Variants in SLC44A3 observed in about 807,000 individuals in gnomAD.
SLC44A3 encodes the protein choline transporter-like protein 3.
Under a neutral mutation model 75.4 loss-of-function variants are expected in SLC44A3, and 74 were observed. The ratio of observed to expected loss-of-function variants is 0.98; its 90% CI spans 0.81 to 1.19. The LOEUF (loss-of-function observed/expected upper bound fraction) is 1.19, where lower values mean the gene tolerates loss of function less well. SLC44A3 is among the 50% of genes most tolerant of loss of function. The pLI, the probability that SLC44A3 is intolerant of heterozygous loss-of-function variation, is 0.00. For synonymous variants in SLC44A3, 310 were observed against 296.9 expected (o/e 1.04, Z -0.45); for missense variants, 700 against 778.6 (o/e 0.90, Z 1.20).
chr1:94,864,991 T>A, intron 11 of SLC44A3, 92 bp downstream of exon 11: 1 of 1,368,382 alleles, frequency 7.3e-7, no homozygotes, highest in Middle Eastern at 1.8e-4. Flanking sequence ...AGGACAGAAA[T>A]GTGACCTGTG....
rs375361654 is a variant in SLC44A3 at position 94,886,453 on chromosome 1, C to T, written c.1483-4677C>T. Among the ~76,000 whole-genome samples the T allele has an allele frequency of 1.2e-3, 187 of 152,252 alleles. 1 individual carries two copies. The highest frequency in any genetic ancestry group is 3.7e-3 in the South Asian group (18 of 4,822). On this transcript the variant is annotated intron_variant, in intron 12 of 14. Coordinates refer to ENST00000271227, the MANE Select transcript of SLC44A3 (RefSeq NM_001114106.3). ...GTTTCCCATTTCTCCTCTGCTGGGG[C>T]CCCCCAGTAGCCTGCTGGTATGCTC...
In SLC44A3 at chr1:94,867,231, C is replaced by T. The variant is rs549769226; in HGVS notation, c.1396-100C>T. ...TTCTCCCACGCCACCAGTGTTTCCC[C>T]AGGTGCATAAGTAAAAACTGTGTTT... On this transcript the variant is annotated intron_variant, in intron 11 of 14. Coordinates refer to ENST00000271227, the MANE Select transcript of SLC44A3 (RefSeq NM_001114106.3). The T allele has an allele frequency of 5.3e-6, 5 of 951,512 alleles. No individual in the cohort carries two copies. In the South Asian group the frequency reaches 7.7e-5, roughly 15 times the overall value. The allele number at this position is 951,512 out of a possible 1,614,324, so 58.9% of individuals were successfully genotyped here. A position where few individuals can be genotyped will look rare whatever the true frequency, so the allele number is the denominator to read the frequency against.
intron 12 of SLC44A3, among the ~76,000 whole-genome samples, chr1:94,877,418 C>A (rs1027928523): frequency 6.6e-6 from 1 of 152,090 alleles, no homozygotes; most frequent in South Asian, 2.1e-4. Flanking sequence ...CTAACCTTAA[C>A]TGGGGGAATG....
chr1:94,836,906 G>A (rs1662882617), intron 5 of SLC44A3: 1 of 94,422 alleles, frequency 1.1e-5, no homozygotes, highest in African/African-American at 4.5e-5. Flanking sequence ...GGCAGAACCT[G>A]TCTCAACAAA....
chr1:94,834,821 G>A (rs959407787), intron 5 of SLC44A3, among the ~76,000 whole-genome samples: 6 of 152,178 alleles, frequency 3.9e-5, no homozygotes, highest in African/African-American at 1.4e-4. Context: ...CCAAGAGGTG[G>A]AATTTCCCTC....
At chr1:94,825,795 A>G (rs1557798579) in intron 3 of SLC44A3, 1 of 456,068 alleles carries the variant, frequency 2.2e-6, no homozygotes, top group South Asian at 1.5e-5. Context: ...CTTTCTGGGC[A>G]TGGACTAATT....
chr1:94,837,874 A>G lies in SLC44A3; in HGVS notation c.670+3A>G, dbSNP rs1353585218. On this transcript the variant is annotated splice_donor_region_variant and intron_variant, in intron 6 of 14. Transcript: ENST00000271227. ...TGGCCTGTGTATCCTCGCATTAGGT[A>G]ATTCTCAGTTAAGTTAATTTTAATA... 1.3e-6 allele frequency: 2 copies of G among 1,586,826 alleles called. No homozygotes were observed. Among genetic ancestry groups the G allele is most frequent in the South Asian group, 1.2e-5 (1 of 85,418 alleles).
intron 12 of SLC44A3, among the ~76,000 whole-genome samples, chr1:94,886,864 C>T (rs1016618244): frequency 1.3e-5 from 2 of 152,084 alleles, no homozygotes; most frequent in African/African-American, 2.4e-5. Flanking sequence ...GAGATACTAC[C>T]AATGCCAACT....
At chr1:94,860,123 G>A (rs768335946) in intron 10 of SLC44A3, among the ~76,000 whole-genome samples, 6 of 152,122 alleles carry the variant, frequency 3.9e-5, no homozygotes, top group Non-Finnish European at 7.3e-5. Context: ...ATGAGCTTAG[G>A]GAAAACGGAG....
chr1:94,820,595 G>T, intron 1 of SLC44A3, 117 bp downstream of exon 1: 2 of 1,410,508 alleles, frequency 1.4e-6, no homozygotes, highest in Non-Finnish European at 1.9e-6. Flanking sequence ...CGGGGATCCC[G>T]CCCCCGCTTA....
At chr1:94,883,860 T>C (rs1669266678) in intron 12 of SLC44A3, among the ~76,000 whole-genome samples, 1 of 152,152 alleles carries the variant, frequency 6.6e-6, no homozygotes, top group African/African-American at 2.4e-5. Context: ...TAAAATACCA[T>C]GGAGAGTATG....
At chr1:94,824,210 G>T (rs12059135) in intron 2 of SLC44A3, among the ~76,000 whole-genome samples, 2,309 of 152,216 alleles carry the variant, frequency 0.015, 54 homozygotes, top group African/African-American at 0.053. Flanking sequence ...AAAGAAAAAT[G>T]ATAGACTCTT....
At chr1:94,827,719 C>A in intron 4 of SLC44A3, 76 bp downstream of exon 4, 1 of 1,517,112 alleles carries the variant, frequency 6.6e-7, no homozygotes, top group South Asian at 1.3e-5. Context: ...ATCATTTACC[C>A]TGACTCTGCT....
rs761547638 is a variant in SLC44A3, at chr1:94,824,623, T to C, written c.266T>C (p.Met89Thr). 14 of 1,587,744 alleles carry C rather than the reference T, an allele frequency of 8.8e-6. No individual in the cohort carries two copies. The Admixed American group carries it at 2.3e-4, about 26-fold the overall frequency. Residue 89 changes from methionine to threonine, a missense_variant, in exon 3 of 15, where the codon ATG becomes ACG. Coordinates refer to ENST00000271227, the MANE Select transcript of SLC44A3 (RefSeq NM_001114106.3). ...VEGAPLSGQD[M>T]TLKKHVFFMN... ...GGGGCCCCTCTTTCAGGGCAGGACA[T>C]GACCCTAAAAAAGTAAGTATCTAAA...
chr1:94,886,538 A>G (rs1460420530), intron 12 of SLC44A3, among the ~76,000 whole-genome samples: 3 of 151,962 alleles, frequency 2.0e-5, no homozygotes, highest in Non-Finnish European at 4.4e-5. Flanking sequence ...GGAGACAGGC[A>G]ACACTGGGGC....
chr1:94,829,848 T>A lies in SLC44A3; in HGVS notation c.509+1262T>A, dbSNP rs1245716020. Among the ~76,000 whole-genome samples the A allele has an allele frequency of 4.2e-4, 64 of 152,228 alleles. 1 individual carries two copies. The highest frequency in any genetic ancestry group is 5.9e-5 in the Non-Finnish European group (4 of 68,048). Reference sequence around the variant, plus strand: ...CTTGTTTGGGACTTACAGTAAGAAATTTATTACATCCCAACTCCTGTATGC... The same window carrying A: ...CTTGTTTGGGACTTACAGTAAGAAAATTATTACATCCCAACTCCTGTATGC... On this transcript the variant is annotated intron_variant, in intron 5 of 14. Transcript: ENST00000271227.
At chr1:94,842,233 G>C in intron 8 of SLC44A3, 109 bp downstream of exon 8, 1 of 1,432,262 alleles carries the variant, frequency 7.0e-7, no homozygotes, top group South Asian at 1.4e-5. Flanking sequence ...TTTTGATTTA[G>C]AATGTGCCTT....
At chr1:94,893,661 G>A (rs1222660394) in intron 14 of SLC44A3, among the ~76,000 whole-genome samples, 1 of 152,044 alleles carries the variant, frequency 6.6e-6, no homozygotes, top group Non-Finnish European at 1.5e-5. Context: ...ACAGTTGTGA[G>A]CCACCGCACT....
chr1:94,827,306 T>G, intron 3 of SLC44A3: 1 of 618,534 alleles, frequency 1.6e-6, no homozygotes, highest in South Asian at 2.1e-5. Context: ...TTGTTAATGT[T>G]TTTGGATAGT....
Sources: gnomAD v4.1 joint callset for allele counts (sites outside exome capture counted in the v4.1 genomes callset) on GRCh38, gnomAD v4.1.1 for gene constraint, MANE v1.5 for transcripts, NCBI Gene and HGNC (gene_info 2026-07-23, HGNC 2026-07-21) for gene names.